Variants in BCR observed in about 807,000 individuals in gnomAD.
BCR encodes BCR activator of RhoGEF and GTPase, also known as breakpoint cluster region protein.
A neutral mutation model predicts 138.6 loss-of-function variants in BCR; 58 were observed. The ratio of observed to expected loss-of-function variants is 0.42; its 90% CI spans 0.34 to 0.52. BCR has a LOEUF of 0.52. Among genes scored for constraint, BCR ranks in the 20% least tolerant of loss-of-function variants. The pLI, the probability that BCR is intolerant of heterozygous loss-of-function variation, is 0.06. For missense variants in BCR, 1,599 were observed against 1,727.2 expected (o/e 0.93, Z 1.32); for synonymous variants, 786 against 730.1 (o/e 1.08, Z -1.23).
At chr22:23,209,557 T>G (rs1386652324) in intron 1 of BCR, among the ~76,000 whole-genome samples, 1 of 151,904 alleles carries the variant, frequency 6.6e-6, no homozygotes, top group Non-Finnish European at 1.5e-5. Flanking sequence ...TTATTTTATT[T>G]TTTTGAGATG....
rs377574939 is a variant in BCR, at chr22:23,204,930, G to A, written c.1279+22691G>A. ...GCCAGCCAGAGCACAGCCCCGCTTG[G>A]TCAGGAATGCATGTGCTGAGGCCAG... On this transcript the variant is annotated intron_variant, in intron 1 of 22. Coordinates refer to ENST00000305877, the MANE Select transcript of BCR (RefSeq NM_004327.4). 1.1e-4 allele frequency among the ~76,000 whole-genome samples: 16 copies of A among 152,356 alleles called. No homozygotes were observed. The East Asian group carries it at 1.7e-3, about 17-fold the overall frequency.
At chr22:23,229,871 G>A (rs2072935966) in intron 1 of BCR, among the ~76,000 whole-genome samples, 2 of 152,190 alleles carry the variant, frequency 1.3e-5, no homozygotes, top group South Asian at 4.1e-4. Context: ...CGCTTGGTTA[G>A]TGTAGAGTGG....
intron 1 of BCR, among the ~76,000 whole-genome samples, chr22:23,205,204 T>C (rs1056027662): frequency 6.6e-6 from 1 of 152,172 alleles, no homozygotes; most frequent in East Asian, 1.9e-4. Context: ...GGTACTGAGC[T>C]GGCCGGTGCT....
chr22:23,261,473 A>G lies in BCR; in HGVS notation c.1685A>G (p.Asp562Gly). Residue 562 changes from aspartate (D) to glycine (G), a missense_variant, in exon 4 of 23, where the codon GAT becomes GGT. By Grantham distance (94) the Asp-to-Gly change is moderately conservative. Transcript: ENST00000305877. ...ELYEIHKEFY[D>G]GLFPRVQQWS... ...TACGAGATCCACAAGGAGTTCTATG[A>G]TGGGCTCTTCCCCCGCGTGCAGCAG... 6.2e-7 allele frequency: 1 copy of G among 1,613,702 alleles called. No homozygotes were observed. Among genetic ancestry groups the G allele is most frequent in the Non-Finnish European group, 8.5e-7 (1 of 1,179,998 alleles).
intron 2 of BCR, among the ~76,000 whole-genome samples, chr22:23,254,196 C>T (rs1164977009): frequency 6.6e-6 from 1 of 152,014 alleles, no homozygotes; most frequent in African/African-American, 2.4e-5. Context: ...TTGAACTGAG[C>T]GTGGAGGAGG....
intron 2 of BCR, among the ~76,000 whole-genome samples, chr22:23,258,161 T>TAC (rs2073316439): frequency 6.6e-6 from 1 of 152,152 alleles, no homozygotes; most frequent in South Asian, 2.1e-4. Context: ...TGCATATATA[T>TAC]ACACACATAT....
chr22:23,241,298 C>A (rs1283069062), intron 1 of BCR, among the ~76,000 whole-genome samples: 1 of 152,196 alleles, frequency 6.6e-6, no homozygotes, highest in African/African-American at 2.4e-5. Context: ...AGGGTGGTGA[C>A]CGCCAGCAGG....
In BCR at chr22:23,253,885, A is replaced by G. The variant is rs760291423; in HGVS notation, c.1366A>G (p.Ile456Val). 3.7e-6 allele frequency: 6 copies of G among 1,613,036 alleles called. No homozygotes were observed. The highest frequency in any genetic ancestry group is 2.7e-5 in the African/African-American group (2 of 74,858). ...QRRHQDGLPYIDDSPSSSPHL... is the reference protein window; with the variant it reads ...QRRHQDGLPYVDDSPSSSPHL... The stretch of plus-strand genomic sequence containing the variant: ...CCGGCACCAAGATGGGCTGCCCTAC[A>G]TTGATGACTCGCCCTCCTCATCGCC... The change falls in exon 2 of 23, where the codon ATT becomes GTT. Residue 456 changes from isoleucine (I) to valine (V), a missense_variant. Ile to Val is a conservative substitution (Grantham distance 29, BLOSUM62 3). Transcript: ENST00000305877.
chr22:23,226,622 T>C (rs978072997), intron 1 of BCR, among the ~76,000 whole-genome samples: 7 of 152,238 alleles, frequency 4.6e-5, no homozygotes, highest in Non-Finnish European at 8.8e-5. Flanking sequence ...TGCCTGTTTT[T>C]GTAAATAAAA....
At position 23,304,843 on chromosome 22, in the gene BCR, G is replaced by A. The variant is rs140357054; in HGVS notation, c.3013-4581G>A. Among the ~76,000 whole-genome samples the A allele has an allele frequency of 3.1e-3, 469 of 152,304 alleles. 2 individuals are homozygous for A. Among genetic ancestry groups the A allele is most frequent in the African/African-American group, 0.01 (431 of 41,554 alleles). On this transcript the variant is annotated intron_variant, in intron 16 of 22. Transcript: ENST00000305877. Reference sequence around the variant, plus strand: ...TAAAAGTGGGATAGAGGCCAGGCGCGGTGGCTTACGCCTGTAATCCCAGCA... The same window carrying A: ...TAAAAGTGGGATAGAGGCCAGGCGCAGTGGCTTACGCCTGTAATCCCAGCA...
At chr22:23,263,295 C>A in intron 4 of BCR, 1 of 1,148,776 alleles carries the variant, frequency 8.7e-7, no homozygotes, top group Non-Finnish European at 1.3e-6. Context: ...CCAGGTGTAC[C>A]GCTGGCTGTG....
At chr22:23,262,710 CGGGCCCGG>C in intron 4 of BCR, 2 of 772,776 alleles carry the variant, frequency 2.6e-6, no homozygotes, top group Non-Finnish European at 3.1e-6. Context: ...CGGGTGAGGG[CGGGCCCGG>C]GTGAGGGCGG....
intron 1 of BCR, among the ~76,000 whole-genome samples, chr22:23,249,431 CAA>C (rs535635463): frequency 5.1e-4 from 34 of 66,144 alleles, no homozygotes; most frequent in Admixed American, 7.1e-4. Context: ...GACTCTGTCT[CAA>C]AAAAAAAAAA....
At chr22:23,262,979 TGAGGG>T in intron 4 of BCR, 1 of 918,220 alleles carries the variant, frequency 1.1e-6, no homozygotes, top group Non-Finnish European at 1.5e-6. Flanking sequence ...TCAAAGGAGA[TGAGGG>T]GAGCGTAGGG....
At chr22:23,228,330 C>A (rs2072916547) in intron 1 of BCR, among the ~76,000 whole-genome samples, 1 of 152,068 alleles carries the variant, frequency 6.6e-6, no homozygotes, top group African/African-American at 2.4e-5. Context: ...TTCCTCGAGA[C>A]TTCCTTTTTC....
In BCR at chr22:23,285,190, CAG is replaced by C; in HGVS notation, c.2403_2404del (p.Lys802GlufsTer49). 1 of 1,612,380 alleles carries C rather than the reference CAG, an allele frequency of 6.2e-7. No homozygotes were observed. The highest frequency in any genetic ancestry group is 8.5e-7 in the Non-Finnish European group (1 of 1,179,446). On this transcript the variant is annotated frameshift_variant, in exon 10 of 23. Coordinates refer to ENST00000305877, the MANE Select transcript of BCR (RefSeq NM_004327.4). LOFTEE classifies it high-confidence loss of function. ...GATCTCCCAGATCAAGAATGACATC[CAG>C]AGAGAGAAGGTGCACACCAGGGGAG... ...IKISQIKNDIQREKRANKGSK... is the reference protein window; with the variant it reads ...IKISQIKNDIXREKRANKGSK...
chr22:23,182,175 G>T lies in BCR; in HGVS notation c.1215G>T (p.Val405=). Residue 405 remains valine (V), a synonymous_variant, in exon 1 of 23, where the codon GTG becomes GTT. Coordinates refer to ENST00000305877, the MANE Select transcript of BCR (RefSeq NM_004327.4). ...CPVVVSEATI[V]GVRKTGQIWP... ...TTGTCGTGTCCGAGGCCACCATCGT[G>T]GGCGTCCGCAAGACCGGGCAGATCT... The T allele has an allele frequency of 6.2e-7, 1 of 1,604,076 alleles. No homozygotes were observed. The highest frequency in any genetic ancestry group is 8.5e-7 in the Non-Finnish European group (1 of 1,178,906).
chr22:23,202,721 T>TGTGTGTG lies in BCR; in HGVS notation c.1279+20482_1279+20483insGTGTGTG, dbSNP rs369930434. Among the ~76,000 whole-genome samples, 370 of 142,846 alleles carry TGTGTGTG rather than the reference T, an allele frequency of 2.6e-3. 4 individuals carry two copies. The highest frequency in any genetic ancestry group is 9.3e-3 in the African/African-American group (348 of 37,230). The allele number at this position is 142,846 out of a possible 152,430, so 93.7% of individuals were successfully genotyped here. On this transcript the variant is annotated intron_variant, in intron 1 of 22. Transcript: ENST00000305877. Reference sequence around the variant, plus strand: ...TAAGCTTGAGTAATAATTCAATTGTTTGTGTGTGTGTGTGTGTGTGTGTGT... The same window carrying TGTGTGTG: ...TAAGCTTGAGTAATAATTCAATTGTTGTGTGTGTGTGTGTGTGTGTGTGTGTGTGTGT...
intron 1 of BCR, among the ~76,000 whole-genome samples, chr22:23,197,338 C>A (rs1373968204): frequency 1.3e-5 from 2 of 152,044 alleles, no homozygotes; most frequent in African/African-American, 4.8e-5. Context: ...ATGACATTGC[C>A]TAATGATGCA....
Sources: allele counts gnomAD v4.1 joint callset (sites outside exome capture counted in the v4.1 genomes callset), GRCh38; gene constraint gnomAD v4.1.1; transcripts MANE v1.5; gene names NCBI Gene and HGNC (gene_info 2026-07-23, HGNC 2026-07-21).